CADM1: variants seen among roughly 807,000 people sequenced by gnomAD.
CADM1 encodes TSLC-1.
Under a neutral mutation model 53.1 loss-of-function variants are expected in CADM1, and 15 were observed. That is an observed-to-expected ratio of 0.28 (90% CI 0.19 to 0.44). The LOEUF is 0.44. Ranked by LOEUF, CADM1 falls within the 20% of genes least tolerant of loss-of-function variation. The pLI is 1.00. For missense variants in CADM1, 434 were observed against 611.3 expected, an observed-to-expected ratio of 0.71 and a Z score of 3.06; for synonymous variants, 281 against 243.0, an observed-to-expected ratio of 1.16 and a Z score of -1.45.
chr11:115,386,104 A>G (rs1946693363), intron 1 of CADM1, among the ~76,000 whole-genome samples: 1 of 152,236 alleles, frequency 6.6e-6, no homozygotes. Context: ...GTCCTAGAAC[A>G]CCATTTCACC....
intron 9 of CADM1, among the ~76,000 whole-genome samples, chr11:115,196,862 A>G (rs887728192): frequency 1.3e-5 from 2 of 152,214 alleles, no homozygotes; most frequent in African/African-American, 2.4e-5. Context: ...AATAATAGAT[A>G]AAAGTCAGGA....
intron 1 of CADM1, among the ~76,000 whole-genome samples, chr11:115,369,287 T>G (rs1946254723): frequency 6.6e-6 from 1 of 152,128 alleles, no homozygotes; most frequent in Non-Finnish European, 1.5e-5. Flanking sequence ...TTATGGCACC[T>G]TCTTTGAAAC....
In CADM1 at chr11:115,190,753, T is replaced by C. The variant is rs7108791; in HGVS notation, c.1165+135A>G. ...TGGGTGACCGGGGAGGAAGACAGTATTGATACAAATTTGTTTTTTGTTAGT... is the reference window on the plus strand; with the variant it reads ...TGGGTGACCGGGGAGGAAGACAGTACTGATACAAATTTGTTTTTTGTTAGT... On this transcript the variant is annotated intron_variant, in intron 10 of 11. Coordinates refer to ENST00000331581, the MANE Select transcript of CADM1 (RefSeq NM_001301043.2). The C allele has an allele frequency of 7.3e-3, 4,738 of 652,264 alleles. 140 individuals are homozygous for C. In the African/African-American group the frequency reaches 0.073, roughly 10 times the overall value. 40.4% of individuals were successfully genotyped at this position (652,264 alleles called of 1,614,324 possible).
chr11:115,332,679 G>C (rs1591716713), intron 1 of CADM1, among the ~76,000 whole-genome samples: 1 of 152,074 alleles, frequency 6.6e-6, no homozygotes, highest in Non-Finnish European at 1.5e-5. Context: ...TGATTATAGG[G>C]GAGTACCCTT....
chr11:115,217,060 C>T (rs1330784132), intron 6 of CADM1, among the ~76,000 whole-genome samples: 3 of 152,156 alleles, frequency 2.0e-5, no homozygotes, highest in African/African-American at 7.2e-5. Flanking sequence ...ACCTATTATT[C>T]CATTTCATGA....
intron 1 of CADM1, among the ~76,000 whole-genome samples, chr11:115,270,266 C>G (rs776412378): frequency 3.3e-5 from 5 of 152,168 alleles, no homozygotes; most frequent in African/African-American, 4.8e-5. Flanking sequence ...TAAGTCTCTC[C>G]TGCAACACAA....
At chr11:115,482,632 T>G (rs1949283937) in intron 1 of CADM1, among the ~76,000 whole-genome samples, 1 of 152,194 alleles carries the variant, frequency 6.6e-6, no homozygotes, top group Admixed American at 6.5e-5. Context: ...TAAACGTGTT[T>G]CTCTTATAAG....
In CADM1 at chr11:115,384,362, A is replaced by G. The variant is rs547972886; in HGVS notation, c.124+119909T>C. Among the ~76,000 whole-genome samples, 6 of 152,242 alleles carry G rather than the reference A, an allele frequency of 3.9e-5. No individual in the cohort carries two copies. The East Asian group carries it at 1.2e-3, about 29-fold the overall frequency. On this transcript the variant is annotated intron_variant, in intron 1 of 11. Transcript: ENST00000331581. ...CTCCATTTGCAGTGAGAGGGCAAAAACCACACTCAAACCCACATTGACAGT... is the reference window on the plus strand; with the variant it reads ...CTCCATTTGCAGTGAGAGGGCAAAAGCCACACTCAAACCCACATTGACAGT...
chr11:115,217,171 A>G (rs1941222479), intron 6 of CADM1, among the ~76,000 whole-genome samples: 1 of 152,210 alleles, frequency 6.6e-6, no homozygotes, highest in Non-Finnish European at 1.5e-5. Flanking sequence ...AGTAAACTGA[A>G]TAATAGTTAA....
Position 115,171,722 on chromosome 11 carries a change from A to C in CADM1, c.*4752T>G, listed in dbSNP as rs1435081462. 1 of 152,234 alleles carries C rather than the reference A, an allele frequency of 6.6e-6. No individual in the cohort carries two copies. The highest frequency in any genetic ancestry group is 1.5e-5 in the Non-Finnish European group (1 of 68,056). 9.4% of individuals were successfully genotyped at this position (152,234 alleles called of 1,614,324 possible). A position where few individuals can be genotyped will look rare whatever the true frequency, so the allele number is the denominator to read the frequency against. On this transcript the variant is annotated 3_prime_UTR_variant, in exon 12 of 12. Transcript: ENST00000331581. ...TCTGGGACTTTTTTCTGTAGGGTAC[A>C]GCTAAAGCTGGAGCCTCATGCTGCA...
chr11:115,376,395 T>A (rs543561148), intron 1 of CADM1, among the ~76,000 whole-genome samples: 21 of 152,150 alleles, frequency 1.4e-4, no homozygotes, highest in South Asian at 1.0e-3. Context: ...AAAAGAAATA[T>A]GATGAGAAAA....
chr11:115,197,324 G>C (rs1301544872), intron 9 of CADM1, among the ~76,000 whole-genome samples: 1 of 152,180 alleles, frequency 6.6e-6, no homozygotes, highest in Non-Finnish European at 1.5e-5. Flanking sequence ...AGGGTTGGCT[G>C]ATCACCTCTT....
At chr11:115,459,877 C>G (rs1948757897) in intron 1 of CADM1, among the ~76,000 whole-genome samples, 1 of 152,196 alleles carries the variant, frequency 6.6e-6, no homozygotes, top group South Asian at 2.1e-4. Flanking sequence ...CACCATAACA[C>G]TCAGACTTTC....
chr11:115,432,773 C>G (rs1241226997), intron 1 of CADM1, among the ~76,000 whole-genome samples: 2 of 152,220 alleles, frequency 1.3e-5, no homozygotes, highest in African/African-American at 4.8e-5. Flanking sequence ...ACAAATGCAA[C>G]ATACCCAGCT....
chr11:115,255,267 A>T (rs1231111414), intron 1 of CADM1, among the ~76,000 whole-genome samples: 1 of 152,244 alleles, frequency 6.6e-6, no homozygotes, highest in Admixed American at 6.5e-5. Context: ...CAAAGGACAC[A>T]TACATTCTGC....
At chr11:115,489,626 G>A (rs897788361) in intron 1 of CADM1, among the ~76,000 whole-genome samples, 1 of 152,208 alleles carries the variant, frequency 6.6e-6, no homozygotes, top group East Asian at 1.9e-4. Context: ...AAGGTATGAG[G>A]ATAGGACATG....
intron 9 of CADM1, 122 bp downstream of exon 9, chr11:115,198,284 A>C (rs1364526955): frequency 5.5e-6 from 4 of 721,110 alleles, no homozygotes; most frequent in Non-Finnish European, 9.4e-6. Context: ...ATTATAGTAT[A>C]TTTATGAGGT....
intron 1 of CADM1, among the ~76,000 whole-genome samples, chr11:115,281,341 A>G (rs1943578675): frequency 6.6e-6 from 1 of 152,230 alleles, no homozygotes; most frequent in African/African-American, 2.4e-5. Context: ...TTCAGCCAAA[A>G]GAGTTTAATT....
intron 9 of CADM1, among the ~76,000 whole-genome samples, chr11:115,196,583 T>C (rs1940158171): frequency 1.1e-5 from 1 of 92,604 alleles, no homozygotes; most frequent in South Asian, 3.7e-4. Flanking sequence ...CTAACAATGA[T>C]AGCTGATGAA....
Sources: allele counts gnomAD v4.1 joint callset (sites outside exome capture counted in the v4.1 genomes callset), GRCh38; gene constraint gnomAD v4.1.1; transcripts MANE v1.5; gene names NCBI Gene and HGNC (gene_info 2026-07-23, HGNC 2026-07-21).